Variants in CEP350 observed in about 807,000 individuals in gnomAD.
CEP350 encodes centrosome-associated protein 350.
A neutral mutation model predicts 331.8 loss-of-function variants in CEP350; 126 were observed. The ratio of observed to expected loss-of-function variants is 0.38; its 90% confidence interval spans 0.33 to 0.44. The LOEUF (loss-of-function observed/expected upper bound fraction) is 0.44, where lower values mean the gene tolerates loss of function less well. Among genes scored for constraint, CEP350 ranks in the 20% least tolerant of loss-of-function variants. The pLI is 1.00. For synonymous variants in CEP350, 1,200 were observed against 1,259.5 expected, an observed-to-expected ratio of 0.95 and a Z score of 1.00; for missense variants, 3,406 against 3,634.6, an observed-to-expected ratio of 0.94 and a Z score of 1.62.
At chr1:180,054,630 T>G (rs999178416) in intron 25 of CEP350, 128 bp downstream of exon 25, 59 of 679,150 alleles carry the variant, frequency 8.7e-5, no homozygotes, top group Non-Finnish European at 1.5e-4. Flanking sequence ...TTCCACTGTT[T>G]ATGTTCATAC....
At chr1:180,021,440 G>A (rs963700507) in intron 12 of CEP350, among the ~76,000 whole-genome samples, 10 of 152,226 alleles carry the variant, frequency 6.6e-5, no homozygotes, top group African/African-American at 2.4e-4. Flanking sequence ...GATCACTTGA[G>A]GTTAGGAGTT....
Position 180,020,124 on chromosome 1 carries a change from A to T in CEP350, c.2350A>T (p.Asn784Tyr). 1 of 1,614,056 alleles carries T rather than the reference A, an allele frequency of 6.2e-7. No homozygotes were observed. Among genetic ancestry groups the T allele is most frequent in the Non-Finnish European group, 8.5e-7 (1 of 1,179,904 alleles). ...DFESILPTRK[N>Y]HNMASRPLTF... ...TGAATCTATTTTACCAACCAGGAAGAATCATAATATGGCTTCAAGGCCATT... is the reference window on the plus strand; with the variant it reads ...TGAATCTATTTTACCAACCAGGAAGTATCATAATATGGCTTCAAGGCCATT... The change falls in exon 12 of 38, where the codon AAT becomes TAT. Residue 784 changes from asparagine (N) to tyrosine (Y), a missense_variant. Coordinates refer to ENST00000367607, the MANE Select transcript of CEP350 (RefSeq NM_014810.5).
At chr1:180,099,578 A>G (rs1660674338) in intron 37 of CEP350, among the ~76,000 whole-genome samples, 2 of 152,134 alleles carry the variant, frequency 1.3e-5, no homozygotes, top group African/African-American at 2.4e-5. Flanking sequence ...AGAAAAAAAG[A>G]AAAATTCAGG....
In CEP350 at chr1:180,043,183, A is replaced by G. The variant is rs1374983163; in HGVS notation, c.4490A>G (p.Glu1497Gly). Reference protein sequence around the residue: ...DFVKQLRTRTETDRKSPSVSL... With the variant: ...DFVKQLRTRTGTDRKSPSVSL... ...GTGAAACAGCTGAGGACCAGAACTG[A>G]AACAGATAGGTTAATATTCATTCAG... is the stretch of plus-strand genomic sequence containing the variant. Residue 1497 changes from glutamate (E) to glycine (G), a missense_variant, in exon 20 of 38, where the codon GAA (glutamate) becomes GGA (glycine). Transcript: ENST00000367607. 1.2e-6 allele frequency: 2 copies of G among 1,612,260 alleles called. No individual in the cohort carries two copies. The highest frequency in any genetic ancestry group is 2.7e-5 in the African/African-American group (2 of 74,970).
chr1:179,983,586 T>G (rs1214462412), intron 1 of CEP350, among the ~76,000 whole-genome samples: 1 of 152,214 alleles, frequency 6.6e-6, no homozygotes, highest in Non-Finnish European at 1.5e-5. Context: ...TGGATCAGGA[T>G]TATTTACCCT....
chr1:180,087,966 A>G (rs538939549), intron 32 of CEP350, among the ~76,000 whole-genome samples: 50 of 152,308 alleles, frequency 3.3e-4, no homozygotes, highest in Non-Finnish European at 5.4e-4. Flanking sequence ...AGTTTCCAAC[A>G]TTGCTAGTAG....
chr1:180,073,981 TTCTC>T (rs200246254), intron 27 of CEP350: 49 of 1,238,622 alleles, frequency 4.0e-5, no homozygotes, highest in Middle Eastern at 4.4e-4. Context: ...TTGTTTGCTT[TTCTC>T]TCTCTCTCTC....
chr1:180,024,386 T>A (rs1655529506), intron 13 of CEP350, 33 bp from the exon 14 acceptor site: 1 of 1,578,676 alleles, frequency 6.3e-7, no homozygotes, highest in East Asian at 2.2e-5. Context: ...AAGACTTTTC[T>A]TTCTGGAACT....
chr1:180,015,254 G>A lies in CEP350; in HGVS notation c.2053-595G>A, dbSNP rs1303167376. On this transcript the variant is annotated intron_variant, in intron 10 of 37. Transcript: ENST00000367607. ...TATTTATTTATTTATTTATTTATTT[G>A]AGACGGAGTCTCCCTGTCGCCCAGG... Among the ~76,000 whole-genome samples, 3 of 133,296 alleles carry A rather than the reference G, an allele frequency of 2.3e-5. No individual in the cohort carries two copies. In the East Asian group the frequency reaches 6.2e-4, roughly 27 times the overall value. 87.4% of individuals were successfully genotyped at this position (133,296 alleles called of 152,430 possible).
chr1:180,037,411 G>GGTTTTTTTTTTTTTTTTTT (rs1444222858), intron 17 of CEP350, among the ~76,000 whole-genome samples: 1 of 139,788 alleles, frequency 7.2e-6, no homozygotes. Context: ...AATACTGAGG[G>GGTTTTTTTTTTTTTTTTTT]TTTTTTTTTT....
At chr1:180,056,133 A>G (rs184175294) in intron 25 of CEP350, among the ~76,000 whole-genome samples, 1 of 152,062 alleles carries the variant, frequency 6.6e-6, no homozygotes, top group East Asian at 1.9e-4. Flanking sequence ...TGTTTTGATT[A>G]GTTTGAAAAT....
rs1230253092 is a variant in CEP350, at chr1:180,093,135, A to T, written c.7030A>T (p.Ile2344Phe). 1 of 1,601,566 alleles carries T rather than the reference A, an allele frequency of 6.2e-7. No individual in the cohort carries two copies. Among genetic ancestry groups the T allele is most frequent in the Admixed American group, 1.7e-5 (1 of 57,780 alleles). The change falls in exon 34 of 38, where the codon ATC (isoleucine) becomes TTC (phenylalanine). Residue 2344 changes from isoleucine (I) to phenylalanine (F), a missense_variant. Ile to Phe is a conservative substitution (Grantham distance 21). Coordinates refer to ENST00000367607, the MANE Select transcript of CEP350 (RefSeq NM_014810.5). ...TCAAGATATGAATCATAGTCCAAAC[A>T]TCCAATCAGGAAAAGACATTCACGA... is the stretch of plus-strand genomic sequence containing the variant. ...SDQDMNHSPN[I>F]QSGKDIHEQK... is the part of the protein sequence containing the mutation.
Position 180,090,717 on chromosome 1 carries a change from T to C in CEP350, c.6429T>C (p.Ser2143=). The change falls in exon 33 of 38, where the codon TCT becomes TCC. Residue 2143 remains serine, a synonymous_variant. Transcript: ENST00000367607. Reference sequence around the variant, plus strand: ...CTCATTAATTTTTACACGTCAGATCTGAAACGGCAAAGAATTGGAAATCAC... The same window carrying C: ...CTCATTAATTTTTACACGTCAGATCCGAAACGGCAAAGAATTGGAAATCAC... ...KIKPLTPLHR[S]ETAKNWKSLT... is the part of the protein sequence containing the mutation. 6.5e-7 allele frequency: 1 copy of C among 1,549,246 alleles called. No homozygotes were observed. Among genetic ancestry groups the C allele is most frequent in the South Asian group, 1.2e-5 (1 of 83,256 alleles).
In CEP350 at chr1:180,093,831, A is replaced by T; in HGVS notation, c.7726A>T (p.Ile2576Phe). 4 of 1,613,954 alleles carry T rather than the reference A, an allele frequency of 2.5e-6. No individual in the cohort carries two copies. The highest frequency in any genetic ancestry group is 2.5e-6 in the Non-Finnish European group (3 of 1,179,870). Residue 2576 changes from isoleucine (I) to phenylalanine (F), a missense_variant, in exon 34 of 38, where the codon ATT (isoleucine) becomes TTT (phenylalanine). By Grantham distance (21) the Ile-to-Phe change is conservative. This residue lies in a region of CEP350 where 1,415 missense variants were observed against 1,512.3 expected (regional missense o/e 0.94). Transcript: ENST00000367607. ...AGAAAACTTTGATGACTATGTAGACATTAATGAAGATGAAGACTGTTACTC... is the reference window on the plus strand; with the variant it reads ...AGAAAACTTTGATGACTATGTAGACTTTAATGAAGATGAAGACTGTTACTC... ...IPENFDDYVD[I>F]NEDEDCYSDE...
rs1201314676 is a variant in CEP350 at position 180,036,811 on chromosome 1, A to G, written c.3947-115A>G. On this transcript the variant is annotated intron_variant, in intron 16 of 37. Transcript: ENST00000367607. ...TCCAAGGTATTCTGTACTGAGTCCC[A>G]GTTTTTTCTACAAAGGAAAGCAAAG... 13 of 1,165,326 alleles carry G rather than the reference A, an allele frequency of 1.1e-5. No homozygotes were observed. In the African/African-American group the frequency reaches 2.0e-4, roughly 18 times the overall value. The allele number at this position is 1,165,326 out of a possible 1,614,324, so 72.2% of individuals were successfully genotyped here. A position where few individuals can be genotyped will look rare whatever the true frequency, so the allele number is the denominator to read the frequency against.
In CEP350 at chr1:180,074,919, C is replaced by T. The variant is rs574663012; in HGVS notation, c.5568-103C>T. The T allele has an allele frequency of 1.3e-5, 13 of 1,005,322 alleles. No homozygotes were observed. In the East Asian group the frequency reaches 2.7e-4, roughly 20 times the overall value. The allele number at this position is 1,005,322 out of a possible 1,614,324, so 62.3% of individuals were successfully genotyped here. On this transcript the variant is annotated intron_variant, in intron 27 of 37. Coordinates refer to ENST00000367607, the MANE Select transcript of CEP350 (RefSeq NM_014810.5). Reference sequence around the variant, plus strand: ...AGAGAAGAGTAGTATGAATGTTCTGCTTTTGCACAGCTTGTTGATAAGGTG... The same window carrying T: ...AGAGAAGAGTAGTATGAATGTTCTGTTTTTGCACAGCTTGTTGATAAGGTG...
chr1:180,094,860 A>G (rs1339506530), intron 34 of CEP350, among the ~76,000 whole-genome samples: 1 of 152,192 alleles, frequency 6.6e-6, no homozygotes, highest in Non-Finnish European at 1.5e-5. Context: ...TGTCACAAGC[A>G]CTGGCAGGTT....
intron 11 of CEP350, among the ~76,000 whole-genome samples, chr1:180,016,813 C>T (rs3856049): frequency 0.083 from 12,655 of 152,006 alleles, 698 homozygotes; most frequent in Non-Finnish European, 0.12. Flanking sequence ...AGGCATGTGC[C>T]ACTACCACCT....
rs1011358551 is a variant in CEP350 at position 180,113,222 on chromosome 1, G to A, written c.*2061G>A. ...GTTTGTAGGATCACGTTGTCCTTAC[G>A]ATACTGAAACTTTACAGCTGCTGTA... On this transcript the variant is annotated 3_prime_UTR_variant, in exon 38 of 38. Coordinates refer to ENST00000367607, the MANE Select transcript of CEP350 (RefSeq NM_014810.5). The A allele has an allele frequency of 2.0e-5, 3 of 152,376 alleles. No homozygotes were observed. The highest frequency in any genetic ancestry group is 2.1e-4 in the South Asian group (1 of 4,832). The allele number at this position is 152,376 out of a possible 1,614,324, so 9.4% of individuals were successfully genotyped here.
Sources: allele counts gnomAD v4.1 joint callset (sites outside exome capture counted in the v4.1 genomes callset), GRCh38; gene constraint gnomAD v4.1.1; regional missense constraint gnomAD v4.1.1; transcripts MANE v1.5; gene names NCBI Gene and HGNC (gene_info 2026-07-23, HGNC 2026-07-21).